The following TUT4 variants were observed in gnomAD, a reference collection of about 807,000 sequenced individuals.
TUT4 encodes the protein terminal uridylyltransferase 4.
Under a neutral mutation model 192.2 loss-of-function variants are expected in TUT4, and 36 were observed. The observed-to-expected ratio is 0.19, with a 90% CI of 0.14 to 0.25. The LOEUF is 0.25. TUT4 is among the 10% of genes least tolerant of loss of function. TUT4 has a pLI of 1.00. For missense variants in TUT4, 1,493 were observed against 1,957.2 expected (o/e 0.76, Z 4.47); for synonymous variants, 618 against 666.0 (o/e 0.93, Z 1.11).
In TUT4 at chr1:52,525,725, T is replaced by A; in HGVS notation, c.556A>T (p.Ser186Cys). 1 of 1,614,190 alleles carries A rather than the reference T, an allele frequency of 6.2e-7. No homozygotes were observed. Among genetic ancestry groups the A allele is most frequent in the Non-Finnish European group, 8.5e-7 (1 of 1,180,030 alleles). ...ELQQIGKKIP[S>C]SFTSVDKVNI... ...ACTTTGTCCACAGAAGTAAAGGAGC[T>A]TGGAATTTTTTTTCCAATCTGTTGT... Residue 186 changes from serine to cysteine, a missense_variant, in exon 2 of 30, where the codon AGC (serine) becomes TGC (cysteine). By Grantham distance (112) the Ser-to-Cys change is moderately radical. Around this residue, in one of 7 missense-constraint regions of TUT4, gnomAD observed 260 missense variants for 247.8 expected, o/e 1.05. Coordinates refer to ENST00000257177, the MANE Select transcript of TUT4 (RefSeq NM_001009881.3).
intron 20 of TUT4, 47 bp from the exon 21 acceptor site, chr1:52,446,714 C>T: frequency 7.2e-7 from 1 of 1,397,456 alleles, no homozygotes; most frequent in South Asian, 1.3e-5. Context: ...GTGATCCAAC[C>T]CAAAGGTCCA....
chr1:52,520,416 G>C (rs1225084551), intron 2 of TUT4, among the ~76,000 whole-genome samples: 1 of 152,282 alleles, frequency 6.6e-6, no homozygotes, highest in African/African-American at 2.4e-5. Flanking sequence ...GTTGGTGCAG[G>C]CTGCTTGAAA....
intron 20 of TUT4, among the ~76,000 whole-genome samples, chr1:52,451,668 C>T (rs184822904): frequency 3.1e-4 from 47 of 152,110 alleles, no homozygotes; most frequent in African/African-American, 9.9e-4. Flanking sequence ...ATTGGTGAAA[C>T]GCTGTCTCTA....
In TUT4 at chr1:52,495,483, T is replaced by C. The variant is rs779631339; in HGVS notation, c.1210A>G (p.Thr404Ala). Residue 404 changes from threonine (T) to alanine (A), a missense_variant, in exon 6 of 30, where the codon ACT becomes GCT. Around this residue, in one of 7 missense-constraint regions of TUT4, gnomAD observed 437 missense variants for 577.6 expected, o/e 0.76. Coordinates refer to ENST00000257177, the MANE Select transcript of TUT4 (RefSeq NM_001009881.3). ...CSLRLYGSSL[T>A]RFALKSSDVN... ...TCACTACTTTTCAGAGCAAATCTAG[T>C]CAGAGATGAGCCATACAACCTAAGT... The C allele has an allele frequency of 1.9e-5, 31 of 1,611,056 alleles. No individual in the cohort carries two copies. The highest frequency in any genetic ancestry group is 2.5e-5 in the Non-Finnish European group (30 of 1,178,336).
chr1:52,424,757 A>C (rs529470271), intron 29 of TUT4: 13 of 152,402 alleles, frequency 8.5e-5, no homozygotes, highest in African/African-American at 3.1e-4. Flanking sequence ...TTACTAAACA[A>C]ATATGATTAT....
chr1:52,456,411 C>CAA (rs1157223640), intron 20 of TUT4, among the ~76,000 whole-genome samples: 603 of 11,978 alleles, frequency 0.05, 38 homozygotes, highest in African/African-American at 0.088. Flanking sequence ...GACTGTGTCT[C>CAA]AAAAAAAAAA....
intron 14 of TUT4, among the ~76,000 whole-genome samples, chr1:52,468,896 A>G (rs942926818): frequency 6.6e-6 from 1 of 152,118 alleles, no homozygotes; most frequent in South Asian, 2.1e-4. Context: ...TTTTTTCCCT[A>G]TCTCTTCCAG....
chr1:52,452,943 A>T (rs934378982), intron 20 of TUT4, among the ~76,000 whole-genome samples: 1 of 152,182 alleles, frequency 6.6e-6, no homozygotes, highest in African/African-American at 2.4e-5. Context: ...GGAATCTGAT[A>T]CTACAGATGG....
chr1:52,543,751 T>G (rs951269077), intron 1 of TUT4, among the ~76,000 whole-genome samples: 4 of 151,984 alleles, frequency 2.6e-5, no homozygotes, highest in African/African-American at 9.7e-5. Flanking sequence ...CCTAAAGTGC[T>G]GGGATTACAG....
intron 1 of TUT4, among the ~76,000 whole-genome samples, chr1:52,541,208 T>TAAA (rs548079594): frequency 1.1e-4 from 9 of 84,604 alleles, no homozygotes; most frequent in Non-Finnish European, 1.5e-4. Context: ...GACTCTGTCT[T>TAAA]AAAAAAAAAA....
At chr1:52,540,112 G>A (rs567932339) in intron 1 of TUT4, among the ~76,000 whole-genome samples, 2 of 151,614 alleles carry the variant, frequency 1.3e-5, no homozygotes, top group East Asian at 1.9e-4. Context: ...CCAGCTACTC[G>A]GGAGGCTGAG....
At chr1:52,429,081 G>C (rs1208443394) in intron 28 of TUT4, among the ~76,000 whole-genome samples, 2 of 148,898 alleles carry the variant, frequency 1.3e-5, no homozygotes, top group Non-Finnish European at 3.0e-5. Context: ...TTCCATAATA[G>C]GTTTTTTTTT....
chr1:52,498,633 T>C (rs977433471), intron 4 of TUT4, among the ~76,000 whole-genome samples: 23 of 151,306 alleles, frequency 1.5e-4, no homozygotes, highest in Non-Finnish European at 2.7e-4. Context: ...ACATGTGTAA[T>C]CCCAACACTT....
rs1653925834 is a variant in TUT4 at position 52,436,787 on chromosome 1, T to C, written c.4130A>G (p.Lys1377Arg). ...ACTGCTATTCCTCTGACGGGCCAGCTTGACCTCTGGGCACTCCCTTCGTAC... is the reference window on the plus strand; with the variant it reads ...ACTGCTATTCCTCTGACGGGCCAGCCTGACCTCTGGGCACTCCCTTCGTAC... ...GHVRRECPEV[K>R]LARQRNSSVA... is the part of the protein sequence containing the mutation. The change falls in exon 26 of 30, where the codon AAG becomes AGG. Residue 1377 changes from lysine to arginine, a missense_variant. Around this residue, in one of 7 missense-constraint regions of TUT4, gnomAD observed 351 missense variants for 397.8 expected, o/e 0.88. Coordinates refer to ENST00000257177, the MANE Select transcript of TUT4 (RefSeq NM_001009881.3). The C allele has an allele frequency of 3.1e-6, 5 of 1,613,860 alleles. No homozygotes were observed. Among genetic ancestry groups the C allele is most frequent in the Non-Finnish European group, 4.2e-6 (5 of 1,180,032 alleles).
At chr1:52,425,644 C>T (rs1649628538) in intron 28 of TUT4, 137 bp from the exon 29 acceptor site, 1 of 1,076,884 alleles carries the variant, frequency 9.3e-7, no homozygotes. Flanking sequence ...ACCAAACAAA[C>T]TTTTTTAAAG....
chr1:52,465,204 T>G, intron 15 of TUT4, 31 bp from the exon 16 acceptor site: 20 of 1,522,156 alleles, frequency 1.3e-5, no homozygotes, highest in Non-Finnish European at 1.5e-5. Flanking sequence ...TCCAAGGCCT[T>G]ATTATAAGCA....
At chr1:52,474,239 T>C (rs938236363) in intron 13 of TUT4, among the ~76,000 whole-genome samples, 4 of 152,316 alleles carry the variant, frequency 2.6e-5, no homozygotes, top group African/African-American at 9.6e-5. Context: ...TCATACTATC[T>C]TACTTGAAAA....
chr1:52,514,627 T>C (rs528970201), intron 3 of TUT4, among the ~76,000 whole-genome samples: 1 of 152,312 alleles, frequency 6.6e-6, no homozygotes, highest in South Asian at 2.1e-4. Flanking sequence ...AACCCAGGAT[T>C]GTCTTGTTCA....
At chr1:52,456,685 G>A (rs1201604140) in intron 20 of TUT4, among the ~76,000 whole-genome samples, 1 of 152,016 alleles carries the variant, frequency 6.6e-6, no homozygotes, top group African/African-American at 2.4e-5. Flanking sequence ...GTTGCCAGGG[G>A]TTGAGGGGAG....
Sources: gnomAD v4.1 joint callset for allele counts (sites outside exome capture counted in the v4.1 genomes callset) on GRCh38, gnomAD v4.1.1 for gene constraint, gnomAD v4.1.1 regional missense constraint, MANE v1.5 for transcripts, NCBI Gene and HGNC (gene_info 2026-07-23, HGNC 2026-07-21) for gene names.